CACNG5: variants seen among roughly 807,000 people sequenced by gnomAD.
The protein encoded by CACNG5 is voltage-dependent calcium channel gamma-5 subunit.
In CACNG5, 18 loss-of-function variants were observed where a neutral mutation model predicts 24.8. The ratio of observed to expected loss-of-function variants is 0.73; its 90% CI spans 0.50 to 1.08. The LOEUF is 1.08. Ranked by LOEUF, CACNG5 falls within the 50% of genes least tolerant of loss-of-function variation. CACNG5 has a pLI of 0.00. For missense variants in CACNG5, 349 were observed against 367.9 expected, an observed-to-expected ratio of 0.95 and a Z score of 0.42; for synonymous variants, 157 against 149.1, an observed-to-expected ratio of 1.05 and a Z score of -0.39.
At position 66,887,912 on chromosome 17, in the gene CACNG5, C is replaced by T. The variant is rs983172010; in HGVS notation, c.*2672C>T. ...TCCTTTCTGTCTATAAATTCATCTC[C>T]GAATCAGGGCCTAGTTGCAGCCTCT... On this transcript the variant is annotated 3_prime_UTR_variant, in exon 6 of 6. Transcript: ENST00000533854. Among the ~76,000 whole-genome samples the T allele has an allele frequency of 1.2e-4, 19 of 152,224 alleles. No homozygotes were observed. The highest frequency in any genetic ancestry group is 4.6e-4 in the Admixed American group (7 of 15,294).
chr17:66,862,892 C>CTCTCTGTGTGTGTG (rs567913804), intron 1 of CACNG5, among the ~76,000 whole-genome samples: 3,243 of 142,198 alleles, frequency 0.023, 86 homozygotes, highest in East Asian at 0.041. Context: ...AGCATATTCT[C>CTCTCTGTGTGTGTG]TGTGTGTGTG....
At chr17:66,862,474 T>A (rs1055048197) in intron 1 of CACNG5, among the ~76,000 whole-genome samples, 2 of 152,008 alleles carry the variant, frequency 1.3e-5, no homozygotes, top group Admixed American at 1.3e-4. Flanking sequence ...CATGTGTGTA[T>A]GCGAAAGTGC....
intron 4 of CACNG5, among the ~76,000 whole-genome samples, chr17:66,884,287 G>A (rs998022291): frequency 6.6e-6 from 1 of 152,204 alleles, no homozygotes; most frequent in Non-Finnish European, 1.5e-5. Context: ...GGCTTAGGAG[G>A]GCAGCTATAT....
chr17:66,835,935 T>A (rs754543974), intron 1 of CACNG5, among the ~76,000 whole-genome samples: 1 of 152,200 alleles, frequency 6.6e-6, no homozygotes, highest in African/African-American at 2.4e-5. Context: ...TCATTGTGAT[T>A]CCCCGATCTT....
rs758742270 is a variant in CACNG5, at chr17:66,878,981, G to C, written c.206G>C (p.Arg69Pro). ...WRVCFLAGEE[R>P]GRCFTIEYVM... The stretch of plus-strand genomic sequence containing the variant: ...ATTCTTGTCTCCACAGGTGAGGAGC[G>C]GGGGCGTTGCTTCACCATAGAATAT... Residue 69 changes from arginine (R) to proline (P), a missense_variant, in exon 3 of 6, where the codon CGG becomes CCG. By Grantham distance (103) the Arg-to-Pro change is moderately radical. Coordinates refer to ENST00000533854, the MANE Select transcript of CACNG5 (RefSeq NM_145811.3). 1.2e-5 allele frequency: 19 copies of C among 1,612,520 alleles called. No individual in the cohort carries two copies. The Middle Eastern group carries it at 5.0e-4, about 42-fold the overall frequency.
rs899957642 is a variant in CACNG5, at chr17:66,891,797, C to T, written c.*6557C>T. The stretch of plus-strand genomic sequence containing the variant: ...TGGTAGCAACCACCTTTGAGAAACA[C>T]GATCTGCTGTACCATGACTGGCTTT... On this transcript the variant is annotated 3_prime_UTR_variant, in exon 6 of 6. Coordinates refer to ENST00000533854, the MANE Select transcript of CACNG5 (RefSeq NM_145811.3). 1.3e-5 allele frequency among the ~76,000 whole-genome samples: 2 copies of T among 152,190 alleles called. No homozygotes were observed. Among genetic ancestry groups the T allele is most frequent in the Admixed American group, 6.5e-5 (1 of 15,286 alleles).
rs143643765 is a variant in CACNG5, at chr17:66,842,195, TATC to T, written c.-104+6947_-104+6949del. Among the ~76,000 whole-genome samples the T allele has an allele frequency of 4.7e-3, 722 of 152,158 alleles. 5 individuals carry two copies. The highest frequency in any genetic ancestry group is 0.017 in the African/African-American group (690 of 41,496). On this transcript the variant is annotated intron_variant, in intron 1 of 5. Transcript: ENST00000533854. ...GTGATCCCACGGTGGGGGAGTGGCT[TATC>T]AGCCTCTACCAGGCAAGGCAAGGTG...
intron 3 of CACNG5, among the ~76,000 whole-genome samples, chr17:66,879,293 T>C (rs1977126453): frequency 6.6e-6 from 1 of 152,224 alleles, no homozygotes; most frequent in African/African-American, 2.4e-5. Flanking sequence ...CTGAGCTCTC[T>C]GGACCCCAGG....
chr17:66,870,990 A>T (rs4791019), intron 1 of CACNG5, among the ~76,000 whole-genome samples: 5,912 of 151,988 alleles, frequency 0.039, 166 homozygotes, highest in East Asian at 0.12. Context: ...CAAAAAAAAA[A>T]AAGTCACATA....
chr17:66,860,800 T>A (rs9896072), intron 1 of CACNG5, among the ~76,000 whole-genome samples: 5,384 of 152,192 alleles, frequency 0.035, 226 homozygotes, highest in East Asian at 0.13. Context: ...CAGCTTTGAA[T>A]GCAGCCCAAC....
chr17:66,894,269 G>C lies in CACNG5; in HGVS notation c.*9029G>C, dbSNP rs61123983. Among the ~76,000 whole-genome samples the C allele has an allele frequency of 0.067, 10,157 of 152,202 alleles. 337 individuals carry two copies. The highest frequency in any genetic ancestry group is 0.084 in the African/African-American group (3,494 of 41,538). On this transcript the variant is annotated 3_prime_UTR_variant, in exon 6 of 6. Coordinates refer to ENST00000533854, the MANE Select transcript of CACNG5 (RefSeq NM_145811.3). ...TCTGTCACCCCCTTGGGAGGATCCT[G>C]CACATCCTTCCTCAGTGGATCCTTA...
intron 1 of CACNG5, among the ~76,000 whole-genome samples, chr17:66,850,417 C>T (rs1333144184): frequency 6.6e-6 from 1 of 152,148 alleles, no homozygotes; most frequent in Non-Finnish European, 1.5e-5. Context: ...CTGGGGCAGG[C>T]TGGCTTGTGC....
At chr17:66,859,437 A>G (rs2143069462) in intron 1 of CACNG5, among the ~76,000 whole-genome samples, 1 of 152,186 alleles carries the variant, frequency 6.6e-6, no homozygotes, top group African/African-American at 2.4e-5. Flanking sequence ...TTTACAGTAA[A>G]ATGTGCTGGA....
intron 1 of CACNG5, among the ~76,000 whole-genome samples, chr17:66,838,353 G>A (rs769857908): frequency 3.3e-5 from 5 of 151,584 alleles, no homozygotes; most frequent in Non-Finnish European, 7.4e-5. Flanking sequence ...GGCCTGTGGA[G>A]GTGATTCCTT....
At chr17:66,874,346 G>C (rs374587114) in intron 1 of CACNG5, among the ~76,000 whole-genome samples, 2 of 152,246 alleles carry the variant, frequency 1.3e-5, no homozygotes, top group African/African-American at 4.8e-5. Flanking sequence ...GTTCTGTGTT[G>C]CTATAACAGA....
chr17:66,849,539 G>A (rs1976684972), intron 1 of CACNG5, among the ~76,000 whole-genome samples: 1 of 152,200 alleles, frequency 6.6e-6, no homozygotes, highest in Non-Finnish European at 1.5e-5. Flanking sequence ...GCTGTGTTCT[G>A]GGATCTGCCT....
rs375232926 is a variant in CACNG5, at chr17:66,880,548, G to A, written c.284-9G>A. The A allele has an allele frequency of 2.0e-5, 33 of 1,614,004 alleles. No homozygotes were observed. Among genetic ancestry groups the A allele is most frequent in the East Asian group, 6.7e-5 (3 of 44,886 alleles). On this transcript the variant is annotated splice_polypyrimidine_tract_variant and intron_variant, in intron 3 of 5. Coordinates refer to ENST00000533854, the MANE Select transcript of CACNG5 (RefSeq NM_145811.3). Reference sequence around the variant, plus strand: ...GGCTGACAGGCCGCCCTTTTGTCCCGTTAATTAGAGATGATCCGCTCAGCC... The same window carrying A: ...GGCTGACAGGCCGCCCTTTTGTCCCATTAATTAGAGATGATCCGCTCAGCC...
chr17:66,863,181 T>G (rs1359502303), intron 1 of CACNG5, among the ~76,000 whole-genome samples: 1 of 152,208 alleles, frequency 6.6e-6, no homozygotes, highest in East Asian at 1.9e-4. Flanking sequence ...CAACAAGTTT[T>G]GATAAGTTAT....
At chr17:66,844,611 C>A (rs905659678) in intron 1 of CACNG5, among the ~76,000 whole-genome samples, 1 of 152,158 alleles carries the variant, frequency 6.6e-6, no homozygotes, top group African/African-American at 2.4e-5. Flanking sequence ...CTGGGAAGAG[C>A]AAAGTTAACA....
Sources: gnomAD v4.1 joint callset for allele counts (sites outside exome capture counted in the v4.1 genomes callset) on GRCh38, gnomAD v4.1.1 for gene constraint, MANE v1.5 for transcripts, NCBI Gene and HGNC (gene_info 2026-07-23, HGNC 2026-07-21) for gene names.